SFI1: variants seen among roughly 807,000 people sequenced by gnomAD.
SFI1 encodes protein SFI1 homolog.
In SFI1, 195 loss-of-function variants were observed where a neutral mutation model predicts 207.5. The ratio of observed to expected loss-of-function variants is 0.94; its 90% CI spans 0.84 to 1.06. The LOEUF (loss-of-function observed/expected upper bound fraction) is 1.06. Among genes scored for constraint, SFI1 ranks in the 50% least tolerant of loss-of-function variants. The pLI, the probability that SFI1 is intolerant of heterozygous loss-of-function variation, is 0.00. For missense variants in SFI1, 1,634 were observed against 1,588.0 expected (o/e 1.03, Z -0.49); for synonymous variants, 630 against 598.9 (o/e 1.05, Z -0.76).
At chr22:31,607,001 T>C (rs1042017496) in intron 21 of SFI1, among the ~76,000 whole-genome samples, 3 of 151,762 alleles carry the variant, frequency 2.0e-5, no homozygotes, top group Non-Finnish European at 4.4e-5. Flanking sequence ...GAGGTGGAGG[T>C]TGCAGTGAGC....
chr22:31,574,380 C>T (rs1468899636), intron 9 of SFI1, among the ~76,000 whole-genome samples: 1 of 152,180 alleles, frequency 6.6e-6, no homozygotes, highest in Admixed American at 6.5e-5. Context: ...ATTCAAATTC[C>T]AGGTCTGATT....
chr22:31,502,863 C>T (rs901562933), intron 1 of SFI1, among the ~76,000 whole-genome samples: 1 of 151,870 alleles, frequency 6.6e-6, no homozygotes, highest in Admixed American at 6.6e-5. Context: ...CCTGTAATCC[C>T]AGCACTTTGG....
At chr22:31,506,719 G>A (rs144047069) in intron 1 of SFI1, among the ~76,000 whole-genome samples, 34 of 152,096 alleles carry the variant, frequency 2.2e-4, no homozygotes, top group Non-Finnish European at 4.6e-4. Context: ...CCAACAACAG[G>A]CAAGCAGAGA....
At chr22:31,533,025 G>A (rs920069542) in intron 4 of SFI1, among the ~76,000 whole-genome samples, 4 of 152,116 alleles carry the variant, frequency 2.6e-5, no homozygotes, top group Admixed American at 2.6e-4. Context: ...AGAAAATAGA[G>A]GCGTTAACAT....
intron 4 of SFI1, among the ~76,000 whole-genome samples, chr22:31,531,344 T>C (rs545250326): frequency 2.0e-5 from 3 of 152,272 alleles, no homozygotes; most frequent in Admixed American, 1.3e-4. Flanking sequence ...CTGTGAATGT[T>C]ATCTACAAAG....
At chr22:31,500,839 A>T (rs9306266) in intron 1 of SFI1, among the ~76,000 whole-genome samples, 1 of 150,304 alleles carries the variant, frequency 6.7e-6, no homozygotes, top group Non-Finnish European at 1.5e-5. Context: ...TTGCTCTGTC[A>T]CCCAGGCTGG....
At chr22:31,549,158 C>T (rs1162110684) in intron 5 of SFI1, among the ~76,000 whole-genome samples, 91 of 151,476 alleles carry the variant, frequency 6.0e-4, no homozygotes, top group Non-Finnish European at 1.5e-5. Context: ...AGTGGTGGTG[C>T]GTTCCTGTAG....
chr22:31,563,188 T>C (rs2061907200), intron 8 of SFI1, among the ~76,000 whole-genome samples: 1 of 151,898 alleles, frequency 6.6e-6, no homozygotes, highest in Admixed American at 6.6e-5. Flanking sequence ...TGATGGGGTT[T>C]CACCGTGTTG....
intron 2 of SFI1, among the ~76,000 whole-genome samples, chr22:31,510,190 T>G (rs1235292138): frequency 6.6e-6 from 1 of 152,042 alleles, no homozygotes; most frequent in Non-Finnish European, 1.5e-5. Context: ...TGCTTTTTTT[T>G]GTAGGAAAAA....
At chr22:31,549,388 C>G (rs966562318) in intron 5 of SFI1, among the ~76,000 whole-genome samples, 1 of 149,224 alleles carries the variant, frequency 6.7e-6, no homozygotes, top group Non-Finnish European at 1.5e-5. Context: ...CTCGGTGTCA[C>G]CCGGGCTGGA....
intron 2 of SFI1, among the ~76,000 whole-genome samples, chr22:31,510,224 T>G (rs2055291301): frequency 6.6e-6 from 1 of 152,114 alleles, no homozygotes; most frequent in Non-Finnish European, 1.5e-5. Flanking sequence ...AGACAGGGTC[T>G]TGCTCTGTTG....
At position 31,537,841 on chromosome 22, in the gene SFI1, G is replaced by T. The variant is rs577191619; in HGVS notation, c.338+6712G>T. On this transcript the variant is annotated intron_variant, in intron 4 of 32. Transcript: ENST00000400288. ...GGGAACATTGGGCATCCTGATCTTTGTTTTTAGGCTTTTTCCATACTGAGT... is the reference window on the plus strand; with the variant it reads ...GGGAACATTGGGCATCCTGATCTTTTTTTTTAGGCTTTTTCCATACTGAGT... 2.0e-5 allele frequency among the ~76,000 whole-genome samples: 3 copies of T among 152,234 alleles called. No individual in the cohort carries two copies. In the East Asian group the frequency reaches 5.8e-4, roughly 29 times the overall value.
intron 15 of SFI1, among the ~76,000 whole-genome samples, chr22:31,593,609 G>C (rs1349156516): frequency 9.2e-6 from 1 of 108,202 alleles, no homozygotes; most frequent in African/African-American, 3.7e-5. Context: ...CCGGGCAGAG[G>C]CTGCAATCTC....
At chr22:31,505,424 G>A (rs2054470468) in intron 1 of SFI1, among the ~76,000 whole-genome samples, 1 of 150,906 alleles carries the variant, frequency 6.6e-6, no homozygotes, top group Admixed American at 6.6e-5. Context: ...GGGCAACAGA[G>A]CGAGACTGTC....
At chr22:31,569,947 CAAA>C (rs71202099) in intron 8 of SFI1, among the ~76,000 whole-genome samples, 1,911 of 131,294 alleles carry the variant, frequency 0.015, 9 homozygotes, top group Middle Eastern at 0.034. Context: ...GAACCTATCT[CAAA>C]AAAAAAAAAA....
chr22:31,501,929 C>T (rs1182546947), intron 1 of SFI1, among the ~76,000 whole-genome samples: 20 of 152,090 alleles, frequency 1.3e-4, no homozygotes, highest in Non-Finnish European at 7.4e-5. Context: ...GCTTCATTGA[C>T]ATGTCTAAAT....
chr22:31,568,499 TTCAGCC>T (rs1452150406), intron 8 of SFI1, among the ~76,000 whole-genome samples: 1 of 133,150 alleles, frequency 7.5e-6, no homozygotes, highest in African/African-American at 3.0e-5. Context: ...CCAACTGCAC[TTCAGCC>T]TGGGCGACAG....
chr22:31,613,939 C>G (rs950133364), intron 27 of SFI1, 84 bp downstream of exon 27: 11 of 1,453,542 alleles, frequency 7.6e-6, no homozygotes, highest in Non-Finnish European at 1.0e-5. Context: ...ACAGCCCTGA[C>G]GGGATGGGAC....
intron 6 of SFI1, among the ~76,000 whole-genome samples, chr22:31,556,547 A>T (rs1159057481): frequency 6.6e-6 from 1 of 151,436 alleles, no homozygotes; most frequent in Non-Finnish European, 1.5e-5. Context: ...AGAATAATGA[A>T]CCTCCATGTA....
Sources: allele counts gnomAD v4.1 joint callset (sites outside exome capture counted in the v4.1 genomes callset), GRCh38; gene constraint gnomAD v4.1.1; transcripts MANE v1.5; gene names NCBI Gene and HGNC (gene_info 2026-07-23, HGNC 2026-07-21).